The following LRP1B variants were observed in gnomAD, a reference collection of about 807,000 sequenced individuals.
The protein encoded by LRP1B is LDL receptor related protein 1B.
In LRP1B, 217 loss-of-function variants were observed where a neutral mutation model predicts 556.6. That is an observed-to-expected ratio of 0.39 (90% CI 0.35 to 0.44). LRP1B has a LOEUF of 0.44. Ranked by LOEUF, LRP1B falls within the 20% of genes least tolerant of loss-of-function variation. The pLI is 1.00. For synonymous variants in LRP1B, 2,047 were observed against 1,865.8 expected (o/e 1.10, Z -2.50); for missense variants, 5,053 against 5,620.8 (o/e 0.90, Z 3.23).
At chr2:141,120,281 T>G (rs1192096923) in intron 7 of LRP1B, among the ~76,000 whole-genome samples, 1 of 152,012 alleles carries the variant, frequency 6.6e-6, no homozygotes, top group African/African-American at 2.4e-5. Flanking sequence ...TTTTTGTTGT[T>G]GAGAATTTAA....
intron 3 of LRP1B, among the ~76,000 whole-genome samples, chr2:141,465,004 A>G (rs1314680851): frequency 6.7e-6 from 1 of 149,526 alleles, no homozygotes; most frequent in Non-Finnish European, 1.5e-5. Context: ...GAAAGGAAAC[A>G]AAAAAAAGAT....
chr2:140,485,352 G>A lies in LRP1B; in HGVS notation c.9416C>T (p.Pro3139Leu). The change falls in exon 59 of 91, where the codon CCT becomes CTT. Residue 3139 changes from proline (P) to leucine (L), a missense_variant. This residue lies in a region of LRP1B where 3,619 missense variants were observed against 3,931.9 expected (regional missense o/e 0.92). Transcript: ENST00000389484. ...LKFPRDLSLD[P>L]QAGYLYWIDC... ...AACAGTTTTTACAAACCCAGCTTGA[G>A]GATCTAAAGACAAGTCTCTGGGAAA... 1 of 1,607,262 alleles carries A rather than the reference G, an allele frequency of 6.2e-7. No individual in the cohort carries two copies. The highest frequency in any genetic ancestry group is 8.5e-7 in the Non-Finnish European group (1 of 1,177,638).
chr2:140,877,892 T>C (rs1693358607), intron 25 of LRP1B, among the ~76,000 whole-genome samples: 1 of 152,196 alleles, frequency 6.6e-6, no homozygotes, highest in Non-Finnish European at 1.5e-5. Flanking sequence ...TCCTCAACCT[T>C]GGCCAAATAA....
intron 3 of LRP1B, among the ~76,000 whole-genome samples, chr2:141,279,153 C>A: frequency 6.6e-6 from 1 of 151,492 alleles, no homozygotes; most frequent in Non-Finnish European, 1.5e-5. Context: ...TAGTAGGTAT[C>A]TTATACAAAC....
chr2:141,594,695 A>G (rs1687457850), intron 2 of LRP1B, among the ~76,000 whole-genome samples: 1 of 152,154 alleles, frequency 6.6e-6, no homozygotes, highest in Non-Finnish European at 1.5e-5. Flanking sequence ...TAGCCAGTCA[A>G]ATAAATTTCT....
chr2:141,740,154 C>A (rs1013603889), intron 2 of LRP1B, among the ~76,000 whole-genome samples: 17 of 152,088 alleles, frequency 1.1e-4, no homozygotes, highest in South Asian at 2.1e-4. Flanking sequence ...AGCATAATTG[C>A]ACCTCTAGAT....
intron 53 of LRP1B, among the ~76,000 whole-genome samples, chr2:140,505,665 C>A (rs1441368424): frequency 2.6e-5 from 4 of 152,066 alleles, no homozygotes; most frequent in Non-Finnish European, 5.9e-5. Flanking sequence ...ATGATGTAGC[C>A]TTTAAAATAT....
intron 2 of LRP1B, among the ~76,000 whole-genome samples, chr2:141,672,117 A>G (rs1690694905): frequency 6.6e-6 from 1 of 152,208 alleles, no homozygotes; most frequent in Non-Finnish European, 1.5e-5. Context: ...CTGGAAGGGT[A>G]GGAGGCTTTT....
chr2:140,982,052 T>C, intron 18 of LRP1B, 108 bp downstream of exon 18: 1 of 818,722 alleles, frequency 1.2e-6, no homozygotes. Context: ...CTTCTGCCTC[T>C]TTTACCTGTA....
chr2:141,816,275 T>C (rs1696542658), intron 1 of LRP1B, among the ~76,000 whole-genome samples: 3 of 152,086 alleles, frequency 2.0e-5, no homozygotes, highest in Admixed American at 2.0e-4. Context: ...AGATTAACAT[T>C]TGAGTCAGTG....
intron 1 of LRP1B, among the ~76,000 whole-genome samples, chr2:141,890,323 C>CATATATATATATATATATATAT (rs556472129): frequency 1.7e-4 from 14 of 83,806 alleles, no homozygotes; most frequent in African/African-American, 6.1e-4. Context: ...GGGCACAATA[C>CATATATATATATATATATATAT]ATATATATAT....
intron 7 of LRP1B, among the ~76,000 whole-genome samples, chr2:141,121,320 T>A (rs1289031215): frequency 6.6e-6 from 1 of 152,044 alleles, no homozygotes; most frequent in African/African-American, 2.4e-5. Context: ...TATAACATCA[T>A]CCCATCCAAC....
At chr2:141,829,574 T>C (rs1372337366) in intron 1 of LRP1B, among the ~76,000 whole-genome samples, 1 of 152,042 alleles carries the variant, frequency 6.6e-6, no homozygotes, top group Non-Finnish European at 1.5e-5. Flanking sequence ...GATAATTGTC[T>C]TCAGTGTTTT....
intron 66 of LRP1B, among the ~76,000 whole-genome samples, chr2:140,414,735 T>C (rs143827219): frequency 0.02 from 3,103 of 152,286 alleles, 35 homozygotes; most frequent in African/African-American, 0.028. Flanking sequence ...ACTGTGATAA[T>C]TGTGTTAACT....
chr2:141,414,412 TC>T (rs201492105), intron 3 of LRP1B, among the ~76,000 whole-genome samples: 7,690 of 149,494 alleles, frequency 0.051, 251 homozygotes, highest in Non-Finnish European at 0.08. Flanking sequence ...AACTAAAGCT[TC>T]CCCCCTCATA....
chr2:141,555,830 T>C (rs1267901860), intron 2 of LRP1B, among the ~76,000 whole-genome samples: 5 of 151,916 alleles, frequency 3.3e-5, no homozygotes, highest in African/African-American at 9.7e-5. Flanking sequence ...TGAAAAGGTA[T>C]TCAGCATTCC....
At chr2:142,117,931 A>G (rs1900936) in intron 1 of LRP1B, among the ~76,000 whole-genome samples, 85,865 of 151,954 alleles carry the variant, frequency 0.57, 24,654 homozygotes, top group East Asian at 0.72. Flanking sequence ...ATCCATAAAG[A>G]TCAGTCAAAT....
intron 11 of LRP1B, among the ~76,000 whole-genome samples, chr2:141,048,766 A>G (rs1698951871): frequency 6.6e-6 from 1 of 152,144 alleles, no homozygotes; most frequent in African/African-American, 2.4e-5. Flanking sequence ...TTTAGAATAT[A>G]GTAGACAACA....
At chr2:141,138,578 A>AT (rs368398507) in intron 7 of LRP1B, among the ~76,000 whole-genome samples, 20,785 of 143,142 alleles carry the variant, frequency 0.15, 1,520 homozygotes, top group Middle Eastern at 0.27. Flanking sequence ...TATAAATGTC[A>AT]TTTTTTTTTT....
Sources: gnomAD v4.1 joint callset for allele counts (sites outside exome capture counted in the v4.1 genomes callset) on GRCh38, gnomAD v4.1.1 for gene constraint, gnomAD v4.1.1 regional missense constraint, MANE v1.5 for transcripts, NCBI Gene and HGNC (gene_info 2026-07-23, HGNC 2026-07-21) for gene names.